PSD3: variants seen among roughly 807,000 people sequenced by gnomAD.
PSD3 encodes the protein PH and SEC7 domain-containing protein 3.
In PSD3, 49 loss-of-function variants were observed where a neutral mutation model predicts 105.5. The observed-to-expected ratio is 0.46, with a 90% CI of 0.37 to 0.59. The LOEUF (loss-of-function observed/expected upper bound fraction) is 0.59. Ranked by LOEUF, PSD3 falls within the 20% of genes least tolerant of loss-of-function variation. The pLI, the probability that PSD3 is intolerant of heterozygous loss-of-function variation, is 0.00. For synonymous variants in PSD3, 557 were observed against 457.8 expected (o/e 1.22, Z -2.77); for missense variants, 1,561 against 1,263.8 (o/e 1.24, Z -3.57).
intron 1 of PSD3, among the ~76,000 whole-genome samples, chr8:18,950,895 G>A (rs1481817877): frequency 6.6e-6 from 1 of 152,090 alleles, no homozygotes; most frequent in Non-Finnish European, 1.5e-5. Context: ...GCCAACACAG[G>A]AGACACAGTA....
At position 18,825,133 on chromosome 8, in the gene PSD3, G is replaced by A. The variant is rs142202180; in HGVS notation, c.1635-20235C>T. On this transcript the variant is annotated intron_variant, in intron 4 of 15. Transcript: ENST00000327040. The stretch of plus-strand genomic sequence containing the variant: ...CTAGTGCAGTCCCTGAAACTTATGT[G>A]TGTATTAGAACTACATGGGAAATTG... Among the ~76,000 whole-genome samples the A allele has an allele frequency of 1.1e-4, 16 of 152,276 alleles. No individual in the cohort carries two copies. The East Asian group carries it at 1.5e-3, about 15-fold the overall frequency.
In PSD3 at chr8:18,534,967, A is replaced by C. The variant is rs1303083868; in HGVS notation, c.*776T>G. The C allele has an allele frequency of 1.3e-5, 2 of 152,744 alleles. No individual in the cohort carries two copies. The highest frequency in any genetic ancestry group is 3.9e-4 in the East Asian group (2 of 5,182). The allele number at this position is 152,744 out of a possible 1,614,324, so 9.5% of individuals were successfully genotyped here. On this transcript the variant is annotated 3_prime_UTR_variant, in exon 16 of 16. Transcript: ENST00000327040. Reference sequence around the variant, plus strand: ...CACATGCCTACTGCTGCAGCTCCTCAAGGGCCGATTATTGCCCCCATCCTT... The same window carrying C: ...CACATGCCTACTGCTGCAGCTCCTCCAGGGCCGATTATTGCCCCCATCCTT...
chr8:18,818,851 A>C (rs1240507761), intron 4 of PSD3, among the ~76,000 whole-genome samples: 1 of 152,088 alleles, frequency 6.6e-6, no homozygotes, highest in Non-Finnish European at 1.5e-5. Context: ...GTTAGAGTAA[A>C]TTTAAATAGG....
intron 12 of PSD3, among the ~76,000 whole-genome samples, chr8:18,588,149 C>T (rs1803334174): frequency 6.6e-6 from 1 of 152,176 alleles, no homozygotes. Context: ...AGGCAGTATC[C>T]TATTAACCTA....
chr8:18,847,758 T>C (rs1815215194), intron 4 of PSD3, among the ~76,000 whole-genome samples: 1 of 152,146 alleles, frequency 6.6e-6, no homozygotes, highest in African/African-American at 2.4e-5. Context: ...GCACAATGCT[T>C]TTCTGGTGAC....
chr8:18,818,257 C>T (rs752153600), intron 4 of PSD3, among the ~76,000 whole-genome samples: 9 of 152,144 alleles, frequency 5.9e-5, no homozygotes, highest in Admixed American at 2.0e-4. Flanking sequence ...GTCCAGCCTA[C>T]GTTACCTTTA....
intron 9 of PSD3, among the ~76,000 whole-genome samples, chr8:18,732,510 G>A (rs137889986): frequency 5.9e-5 from 9 of 152,280 alleles, no homozygotes; most frequent in African/African-American, 2.2e-4. Flanking sequence ...AGCTGACCTG[G>A]GGCTGGAGGA....
intron 11 of PSD3, among the ~76,000 whole-genome samples, chr8:18,621,613 C>A (rs74704723): frequency 1.3e-5 from 2 of 152,120 alleles, no homozygotes. Context: ...ACTAGAGAGT[C>A]ACGTGACAAG....
At chr8:18,923,996 T>C (rs1044137833) in intron 2 of PSD3, among the ~76,000 whole-genome samples, 3 of 150,570 alleles carry the variant, frequency 2.0e-5, no homozygotes, top group African/African-American at 5.0e-5. Flanking sequence ...AGTAGAAATA[T>C]GCTTTTCAGT....
At chr8:18,947,398 C>T (rs181324103) in intron 1 of PSD3, among the ~76,000 whole-genome samples, 44 of 152,378 alleles carry the variant, frequency 2.9e-4, no homozygotes, top group African/African-American at 9.6e-4. Context: ...TAACTGAATT[C>T]ATGGCCTTGT....
intron 11 of PSD3, among the ~76,000 whole-genome samples, chr8:18,612,375 A>ATTT (rs71217390): frequency 1.3e-5 from 2 of 148,160 alleles, no homozygotes; most frequent in Non-Finnish European, 3.0e-5. Flanking sequence ...TTACTGATGC[A>ATTT]TTTTTTTTTT....
intron 2 of PSD3, among the ~76,000 whole-genome samples, chr8:18,904,284 G>A (rs1454576371): frequency 2.0e-5 from 3 of 152,184 alleles, no homozygotes; most frequent in Non-Finnish European, 4.4e-5. Flanking sequence ...AGCCACTCAT[G>A]AGGGATCAAC....
intron 9 of PSD3, among the ~76,000 whole-genome samples, chr8:18,703,133 A>C (rs779110572): frequency 3.3e-5 from 5 of 152,184 alleles, no homozygotes; most frequent in Non-Finnish European, 5.9e-5. Flanking sequence ...TTTGGTTAAA[A>C]AAGGAATACA....
At chr8:18,809,818 T>G (rs950327132) in intron 4 of PSD3, among the ~76,000 whole-genome samples, 1 of 152,144 alleles carries the variant, frequency 6.6e-6, no homozygotes, top group African/African-American at 2.4e-5. Flanking sequence ...TTGTTGCCTA[T>G]AATCTACTGA....
chr8:18,908,380 T>C (rs746821361), intron 2 of PSD3, among the ~76,000 whole-genome samples: 1 of 152,202 alleles, frequency 6.6e-6, no homozygotes, highest in Admixed American at 6.5e-5. Context: ...TCTACTATCC[T>C]CCACAACATC....
At chr8:18,892,922 G>A (rs892672344) in intron 2 of PSD3, among the ~76,000 whole-genome samples, 7 of 152,102 alleles carry the variant, frequency 4.6e-5, no homozygotes, top group African/African-American at 1.7e-4. Flanking sequence ...ACCGTGCCCA[G>A]CCCCTAAGTA....
chr8:18,788,351 C>T (rs1809380015), intron 8 of PSD3, among the ~76,000 whole-genome samples: 2 of 152,266 alleles, frequency 1.3e-5, no homozygotes, highest in East Asian at 1.9e-4. Context: ...CAGGAGCAGC[C>T]AGAAACCGTA....
chr8:18,898,656 T>C (rs746742020), intron 2 of PSD3, among the ~76,000 whole-genome samples: 2 of 152,348 alleles, frequency 1.3e-5, no homozygotes, highest in South Asian at 2.1e-4. Flanking sequence ...ATTTTGCATG[T>C]TGTATGTATT....
At chr8:18,930,726 C>T (rs553723037) in intron 2 of PSD3, among the ~76,000 whole-genome samples, 1 of 152,176 alleles carries the variant, frequency 6.6e-6, no homozygotes, top group African/African-American at 2.4e-5. Context: ...TGTGCAACCA[C>T]ACCTAGCTAT....
Sources: gnomAD v4.1 joint callset for allele counts (sites outside exome capture counted in the v4.1 genomes callset) on GRCh38, gnomAD v4.1.1 for gene constraint, MANE v1.5 for transcripts, NCBI Gene and HGNC (gene_info 2026-07-23, HGNC 2026-07-21) for gene names.